The following PCLO variants were observed in gnomAD, a reference collection of about 807,000 sequenced individuals.
The protein encoded by PCLO is protein piccolo.
Under a neutral mutation model 427.5 loss-of-function variants are expected in PCLO, and 82 were observed. That is an observed-to-expected ratio of 0.19 (90% CI 0.16 to 0.23). The LOEUF is 0.23. Ranked by LOEUF, PCLO falls within the 10% of genes least tolerant of loss-of-function variation. PCLO has a pLI of 1.00. For synonymous variants in PCLO, 2,357 were observed against 2,155.4 expected (o/e 1.09, Z -2.59); for missense variants, 6,239 against 6,115.9 (o/e 1.02, Z -0.67).
intron 3 of PCLO, among the ~76,000 whole-genome samples, chr7:83,028,928 C>A: frequency 6.6e-6 from 1 of 151,994 alleles, no homozygotes; most frequent in Non-Finnish European, 1.5e-5. Flanking sequence ...AAACTGGATC[C>A]CTTCCTTACA....
intron 22 of PCLO, among the ~76,000 whole-genome samples, chr7:82,775,899 T>A (rs2129467947): frequency 6.6e-6 from 1 of 152,326 alleles, no homozygotes; most frequent in African/African-American, 2.4e-5. Context: ...GTGTCTAGGT[T>A]AACTTTTTTG....
At chr7:82,949,107 T>C (rs1000597327) in intron 6 of PCLO, among the ~76,000 whole-genome samples, 1 of 152,228 alleles carries the variant, frequency 6.6e-6, no homozygotes, top group Non-Finnish European at 1.5e-5. Context: ...ATTAATTATG[T>C]TTACTGAAAT....
intron 3 of PCLO, 50 bp from the exon 4 acceptor site, chr7:82,966,537 T>A: frequency 8.6e-7 from 1 of 1,163,612 alleles, no homozygotes; most frequent in Non-Finnish European, 1.2e-6. Context: ...ATAATGTATC[T>A]GTTTCTGTGA....
intron 20 of PCLO, chr7:82,821,510 T>C: frequency 1.0e-6 from 1 of 984,494 alleles, no homozygotes; most frequent in Non-Finnish European, 1.2e-6. Context: ...AACAATGATC[T>C]ATCTCCATTG....
intron 2 of PCLO, among the ~76,000 whole-genome samples, chr7:83,139,109 C>T (rs1035456565): frequency 6.6e-6 from 1 of 151,976 alleles, no homozygotes; most frequent in African/African-American, 2.4e-5. Flanking sequence ...TCTAACAGAA[C>T]TTTCTGATAA....
chr7:82,839,494 C>T (rs1055187189), intron 14 of PCLO, among the ~76,000 whole-genome samples: 4 of 152,022 alleles, frequency 2.6e-5, no homozygotes, highest in African/African-American at 9.7e-5. Context: ...AAGTTTAGAA[C>T]TCTATGCCAT....
chr7:82,897,710 G>T (rs994560866), intron 9 of PCLO, among the ~76,000 whole-genome samples: 1 of 151,348 alleles, frequency 6.6e-6, no homozygotes, highest in Non-Finnish European at 1.5e-5. Context: ...GATCATCAAT[G>T]AGTAAACATT....
chr7:82,987,877 G>A (rs1347725866), intron 3 of PCLO, among the ~76,000 whole-genome samples: 1 of 151,966 alleles, frequency 6.6e-6, no homozygotes, highest in Non-Finnish European at 1.5e-5. Context: ...AAGAGTTAAA[G>A]GGGGAAAAAT....
chr7:82,835,427 T>G (rs1792208918), intron 16 of PCLO, among the ~76,000 whole-genome samples: 1 of 152,206 alleles, frequency 6.6e-6, no homozygotes, highest in Admixed American at 6.5e-5. Context: ...AATATTTTTT[T>G]CATTGTTTCT....
chr7:82,832,570 G>A (rs1276814869), intron 16 of PCLO, among the ~76,000 whole-genome samples: 1 of 151,632 alleles, frequency 6.6e-6, no homozygotes, highest in African/African-American at 2.4e-5. Context: ...TCATGCATAG[G>A]TATATATACT....
intron 2 of PCLO, among the ~76,000 whole-genome samples, chr7:83,142,578 C>A (rs1791888119): frequency 6.6e-6 from 1 of 152,146 alleles, no homozygotes; most frequent in African/African-American, 2.4e-5. Context: ...CCATTATACC[C>A]CGAACCACAG....
intron 2 of PCLO, among the ~76,000 whole-genome samples, chr7:83,137,771 T>C (rs1487684149): frequency 3.9e-5 from 6 of 152,204 alleles, no homozygotes; most frequent in Non-Finnish European, 5.9e-5. Context: ...ATGGGTATTA[T>C]ACACCTCTGT....
intron 2 of PCLO, among the ~76,000 whole-genome samples, chr7:83,136,845 A>T (rs1375310322): frequency 6.6e-6 from 1 of 152,158 alleles, no homozygotes; most frequent in Non-Finnish European, 1.5e-5. Context: ...TTGTGAAAAG[A>T]TGTTGTGTTT....
Position 82,952,742 on chromosome 7 carries a change from T to G in PCLO, c.8211A>C (p.Glu2737Asp). Residue 2737 changes from glutamate (E) to aspartate (D), a missense_variant, in exon 5 of 25, where the codon GAA becomes GAC. Physicochemically the swap from Glu to Asp is conservative, Grantham distance 45. Around this residue, in one of 5 missense-constraint regions of PCLO, gnomAD observed 4,677 missense variants for 4,468.4 expected, o/e 1.05. Transcript: ENST00000333891. ...VIDLRTVPKV[E>D]VKTTDKCIDL... Reference sequence around the variant, plus strand: ...CAATACATTTATCAGTTGTTTTAACTTCTACCTTTGGTACTGTACGCAAAT... The same window carrying G: ...CAATACATTTATCAGTTGTTTTAACGTCTACCTTTGGTACTGTACGCAAAT... The G allele has an allele frequency of 1.2e-6, 2 of 1,613,646 alleles. No individual in the cohort carries two copies. The highest frequency in any genetic ancestry group is 1.7e-6 in the Non-Finnish European group (2 of 1,179,668).
At chr7:82,771,456 C>T (rs1306319448) in intron 22 of PCLO, among the ~76,000 whole-genome samples, 3 of 151,934 alleles carry the variant, frequency 2.0e-5, no homozygotes, top group Non-Finnish European at 4.4e-5. Context: ...TCCACTCTCT[C>T]ATAGTATAAA....
chr7:82,828,593 T>C (rs768492501), intron 16 of PCLO, among the ~76,000 whole-genome samples: 1 of 152,210 alleles, frequency 6.6e-6, no homozygotes, highest in Non-Finnish European at 1.5e-5. Context: ...TTATTAGAAC[T>C]TGGGACATCT....
intron 3 of PCLO, among the ~76,000 whole-genome samples, chr7:83,038,463 T>C (rs931751704): frequency 6.6e-6 from 1 of 151,928 alleles, no homozygotes; most frequent in Non-Finnish European, 1.5e-5. Flanking sequence ...ACATTTTATA[T>C]GAATTGAATT....
At chr7:82,813,280 GATT>G (rs1791611204) in intron 20 of PCLO, among the ~76,000 whole-genome samples, 2 of 151,632 alleles carry the variant, frequency 1.3e-5, no homozygotes, top group Admixed American at 6.6e-5. Context: ...TCTCCAAACA[GATT>G]ATATTAATGA....
At chr7:82,998,178 G>A (rs1450406376) in intron 3 of PCLO, among the ~76,000 whole-genome samples, 14 of 151,898 alleles carry the variant, frequency 9.2e-5, no homozygotes, top group Non-Finnish European at 1.2e-4. Flanking sequence ...CTGGAGTCTT[G>A]GTGTGGACAA....
Sources: gnomAD v4.1 joint callset for allele counts (sites outside exome capture counted in the v4.1 genomes callset) on GRCh38, gnomAD v4.1.1 for gene constraint, gnomAD v4.1.1 regional missense constraint, MANE v1.5 for transcripts, NCBI Gene and HGNC (gene_info 2026-07-23, HGNC 2026-07-21) for gene names.